Variants in DOT1L observed in about 807,000 individuals in gnomAD.
DOT1L encodes the protein DOT1 like histone lysine methyltransferase.
DOT1L carries 33 observed loss-of-function variants against 153.3 expected under a neutral mutation model. The observed-to-expected ratio is 0.22, with a 90% CI of 0.16 to 0.29. The LOEUF (loss-of-function observed/expected upper bound fraction) is 0.29, where lower values mean the gene tolerates loss of function less well. DOT1L is among the 10% of genes least tolerant of loss of function. The pLI is 1.00. For synonymous variants in DOT1L, 1,135 were observed against 965.1 expected, an observed-to-expected ratio of 1.18 and a Z score of -3.26; for missense variants, 1,847 against 2,119.9, an observed-to-expected ratio of 0.87 and a Z score of 2.53.
In DOT1L at chr19:2,217,525, G is replaced by A. The variant is rs920294949; in HGVS notation, c.2545-247G>A. 1.3e-5 allele frequency among the ~76,000 whole-genome samples: 2 copies of A among 152,144 alleles called. No individual in the cohort carries two copies. The highest frequency in any genetic ancestry group is 2.4e-5 in the African/African-American group (1 of 41,438). On this transcript the variant is annotated intron_variant, in intron 21 of 27. Coordinates refer to ENST00000398665, the MANE Select transcript of DOT1L (RefSeq NM_032482.3). This position sits in a 1 kb window ranked among gnomAD's most constrained non-coding sequence, Gnocchi z 7.3. ...GTGGCCCCACGGGTGACTGCCCACC[G>A]AGCCGGGCGGGCAGGCTGGAGGGGA...
At position 2,226,760 on chromosome 19, in the gene DOT1L, C is replaced by T; in HGVS notation, c.4239C>T (p.Ala1413=). 6.4e-7 allele frequency: 1 copy of T among 1,564,640 alleles called. No homozygotes were observed. Among genetic ancestry groups the T allele is most frequent in the Non-Finnish European group, 8.6e-7 (1 of 1,161,542 alleles). Residue 1413 remains alanine (A), a synonymous_variant, in exon 27 of 28, where the codon GCC becomes GCT. Transcript: ENST00000398665. The part of the protein sequence containing the change: ...TPLLSGKAAK[A]RDREVDLKNG... ...TGCTGAGCGGCAAGGCCGCCAAGGCCCGGGACCGCGAGGTCGACCTCAAGA... is the reference window on the plus strand; with the variant it reads ...TGCTGAGCGGCAAGGCCGCCAAGGCTCGGGACCGCGAGGTCGACCTCAAGA...
intron 27 of DOT1L, chr19:2,228,368 T>C (rs1429197127): frequency 2.3e-6 from 3 of 1,305,498 alleles, no homozygotes; most frequent in Non-Finnish European, 3.0e-6. Context: ...TAGCTAGCAG[T>C]GCGTATTGTG....
rs1431078803 is a variant in DOT1L, at chr19:2,212,193, A to G, written c.1557+351A>G. On this transcript the variant is annotated intron_variant, in intron 16 of 27. Coordinates refer to ENST00000398665, the MANE Select transcript of DOT1L (RefSeq NM_032482.3). ...GTCACAGTCTTCCCAGTTGTCGCCT[A>G]TTGGTTCGGCAGGGGCTGGAGTGCA... 8 of 194,622 alleles carry G rather than the reference A, an allele frequency of 4.1e-5. No homozygotes were observed. The East Asian group carries it at 1.1e-3, about 26-fold the overall frequency. 12.1% of individuals were successfully genotyped at this position (194,622 alleles called of 1,614,324 possible).
Position 2,222,220 on chromosome 19 carries a change from G to A in DOT1L, c.3051G>A (p.Gln1017=). The part of the protein sequence containing the change: ...SSSPRLGGAA[Q]GPLPEASKGD... ...GTCCCCGGCTTGGTGGGGCCGCCCA[G>A]GGCCCGTTGCCCGAGGCCAGCAAGG... The change falls in exon 24 of 28, where the codon CAG becomes CAA. Residue 1017 remains glutamine (Q), a synonymous_variant. Transcript: ENST00000398665. The surrounding 1 kb of genome is among the most constrained non-coding windows in gnomAD (Gnocchi z 6.5). 1 of 1,613,124 alleles carries A rather than the reference G, an allele frequency of 6.2e-7. No individual in the cohort carries two copies. Among genetic ancestry groups the A allele is most frequent in the South Asian group, 1.1e-5 (1 of 91,072 alleles).
intron 27 of DOT1L, 140 bp from the exon 28 acceptor site, chr19:2,229,645 G>A: frequency 1.3e-6 from 2 of 1,587,634 alleles, no homozygotes; most frequent in African/African-American, 2.7e-5. Flanking sequence ...TAGAGGAGCT[G>A]GCACTATGCC....
At chr19:2,228,940 G>GC in intron 27 of DOT1L, 1 of 985,408 alleles carries the variant, frequency 1.0e-6, no homozygotes, top group Non-Finnish European at 1.2e-6. Flanking sequence ...TGCCCTGCCT[G>GC]CCTGGGGGCT....
At chr19:2,195,697 C>T (rs1054060677) in intron 7 of DOT1L, among the ~76,000 whole-genome samples, 17 of 152,268 alleles carry the variant, frequency 1.1e-4, no homozygotes, top group African/African-American at 4.1e-4. Context: ...AGGTCACCAC[C>T]CTGGGAGGAC....
intron 5 of DOT1L, among the ~76,000 whole-genome samples, chr19:2,192,084 T>C (rs1354646567): frequency 6.6e-6 from 1 of 152,208 alleles, no homozygotes; most frequent in East Asian, 1.9e-4. Context: ...CTGGGCTCCT[T>C]GGACCTCGAT....
rs888922053 is a variant in DOT1L, at chr19:2,190,458, A to C, written c.265-554A>C. ...CTGGGCTGGGCTGGGCTGCCCCATC[A>C]GCCTGCCACCCGGCTCTGGCTTCCC... On this transcript the variant is annotated intron_variant, in intron 4 of 27. Transcript: ENST00000398665. The surrounding 1 kb of genome is among the most constrained non-coding windows in gnomAD (Gnocchi z 4.8). Among the ~76,000 whole-genome samples the C allele has an allele frequency of 6.6e-6, 1 of 151,994 alleles. No homozygotes were observed. The highest frequency in any genetic ancestry group is 2.1e-4 in the South Asian group (1 of 4,830).
At chr19:2,170,098 C>T (rs774292975) in intron 1 of DOT1L, among the ~76,000 whole-genome samples, 2 of 152,306 alleles carry the variant, frequency 1.3e-5, no homozygotes, top group South Asian at 4.1e-4. Context: ...CATGCCATTA[C>T]ACTCCAGACT....
At chr19:2,203,095 TTTTTA>T (rs1337141221) in intron 9 of DOT1L, among the ~76,000 whole-genome samples, 3 of 152,012 alleles carry the variant, frequency 2.0e-5, no homozygotes, top group Non-Finnish European at 4.4e-5. Flanking sequence ...CTAATTTTTG[TTTTTA>T]TTTTATTTTA....
chr19:2,210,637 A>G lies in DOT1L; in HGVS notation c.1133A>G (p.Glu378Gly). Residue 378 changes from glutamate (E) to glycine (G), a missense_variant, in exon 14 of 28, where the codon GAA (glutamate) becomes GGA (glycine). Glu to Gly is a moderately conservative substitution (Grantham distance 98). Coordinates refer to ENST00000398665, the MANE Select transcript of DOT1L (RefSeq NM_032482.3). ...ADAPMDSGAEEEKAGAATVKK... is the reference protein window; with the variant it reads ...ADAPMDSGAEGEKAGAATVKK... ...GTCCTCCAGGACTCTGGTGCTGAGG[A>G]AGAGAAGGCGGGAGCAGCCACCGTG... 6.2e-7 allele frequency: 1 copy of G among 1,612,608 alleles called. No individual in the cohort carries two copies. The highest frequency in any genetic ancestry group is 8.5e-7 in the Non-Finnish European group (1 of 1,179,786).
Position 2,226,404 on chromosome 19 carries a change from G to C in DOT1L, c.3883G>C (p.Gly1295Arg), listed in dbSNP as rs776360265. ...CAAGCTGGCCGCTCACCCCAGGAAAGGCTTTCCCGGCTCCCTGTCGGGGGC... is the reference window on the plus strand; with the variant it reads ...CAAGCTGGCCGCTCACCCCAGGAAACGCTTTCCCGGCTCCCTGTCGGGGGC... ...DAKLAAHPRKGFPGSLSGADG... is the reference protein window; with the variant it reads ...DAKLAAHPRKRFPGSLSGADG... The change falls in exon 27 of 28, where the codon GGC becomes CGC. Residue 1295 changes from glycine to arginine, a missense_variant. This residue lies in a region of DOT1L where 934 missense variants were observed against 825.3 expected (regional missense o/e 1.13). Coordinates refer to ENST00000398665, the MANE Select transcript of DOT1L (RefSeq NM_032482.3). 1 of 1,598,546 alleles carries C rather than the reference G, an allele frequency of 6.3e-7. No homozygotes were observed. Among genetic ancestry groups the C allele is most frequent in the Non-Finnish European group, 8.5e-7 (1 of 1,176,090 alleles).
intron 27 of DOT1L, 165 bp from the exon 28 acceptor site, chr19:2,229,620 G>T: frequency 2.0e-6 from 2 of 985,382 alleles, no homozygotes; most frequent in Non-Finnish European, 2.4e-6. Flanking sequence ...GGGCACGCCC[G>T]TCGTCTGTTG....
At chr19:2,225,774 T>TC (rs1599622446) in intron 26 of DOT1L, among the ~76,000 whole-genome samples, 1 of 152,004 alleles carries the variant, frequency 6.6e-6, no homozygotes, top group Non-Finnish European at 1.5e-5. Flanking sequence ...ACCCTGGCCT[T>TC]CCCCCCGAGT....
chr19:2,178,271 G>A (rs190564149), intron 1 of DOT1L, among the ~76,000 whole-genome samples: 40 of 139,356 alleles, frequency 2.9e-4, no homozygotes, highest in African/African-American at 7.8e-4. Context: ...TAGAGATGGC[G>A]TTTCACCATG....
Position 2,226,217 on chromosome 19 carries a change from C to T in DOT1L, c.3696C>T (p.Ala1232=), listed in dbSNP as rs975867212. 1.8e-5 allele frequency: 27 copies of T among 1,527,446 alleles called. No homozygotes were observed. The highest frequency in any genetic ancestry group is 2.3e-5 in the East Asian group (1 of 43,092). The allele number at this position is 1,527,446 out of a possible 1,614,324, so 94.6% of individuals were successfully genotyped here. A position where few individuals can be genotyped will look rare whatever the true frequency, so the allele number is the denominator to read the frequency against. ...TGGCGGGAAGGAAGCCCGCGCCCGC[C>T]GGCGAGCCAGTCAATAGCAGCAAGT... ...GGLAGRKPAP[A]GEPVNSSKWK... Residue 1232 remains alanine, a synonymous_variant, in exon 27 of 28, where the codon GCC becomes GCT. Transcript: ENST00000398665.
rs1348768611 is a variant in DOT1L, at chr19:2,216,682, C to T, written c.2325C>T (p.Ser775=). 1 of 1,603,598 alleles carries T rather than the reference C, an allele frequency of 6.2e-7. No individual in the cohort carries two copies. Among genetic ancestry groups the T allele is most frequent in the Middle Eastern group, 1.7e-4 (1 of 6,002 alleles). The change falls in exon 20 of 28, where the codon TCC becomes TCT. Residue 775 remains serine, a synonymous_variant. Transcript: ENST00000398665. ...GLAAPDYTRL[S]PAKIVLRRHL... ...CCGCACCCGACTACACTAGGCTGTC[C>T]CCGGCCAAGATTGTGCTGAGGCGGC...
intron 7 of DOT1L, among the ~76,000 whole-genome samples, 192 bp from the exon 8 acceptor site, chr19:2,199,692 T>C (rs1006902597): frequency 7.9e-5 from 12 of 152,164 alleles, no homozygotes; most frequent in South Asian, 4.1e-4. Flanking sequence ...TCCTGCCCGT[T>C]CTCTGCGCAT....
Sources: allele counts gnomAD v4.1 joint callset (sites outside exome capture counted in the v4.1 genomes callset), GRCh38; gene constraint gnomAD v4.1.1; regional missense constraint gnomAD v4.1.1; non-coding constraint Gnocchi (gnomAD v3.1); transcripts MANE v1.5; gene names NCBI Gene and HGNC (gene_info 2026-07-23, HGNC 2026-07-21).